MBOAT1: variants seen among roughly 807,000 people sequenced by gnomAD.
MBOAT1 encodes the protein membrane-bound glycerophospholipid O-acyltransferase 1.
A neutral mutation model predicts 64.4 loss-of-function variants in MBOAT1; 67 were observed. That is an observed-to-expected ratio of 1.04 (90% CI 0.85 to 1.27). MBOAT1 has a LOEUF of 1.27. Among genes scored for constraint, MBOAT1 ranks in the 50% most tolerant of loss-of-function variants. The pLI is 0.00. For missense variants in MBOAT1, 563 were observed against 604.6 expected, an observed-to-expected ratio of 0.93 and a Z score of 0.72; for synonymous variants, 229 against 218.9, an observed-to-expected ratio of 1.05 and a Z score of -0.41.
chr6:20,169,771 C>A (rs981350587), intron 1 of MBOAT1, among the ~76,000 whole-genome samples: 13 of 152,168 alleles, frequency 8.5e-5, no homozygotes, highest in Admixed American at 8.5e-4. Flanking sequence ...CCTATCCTCC[C>A]ATCTCTTGAT....
chr6:20,134,476 G>A lies in MBOAT1; in HGVS notation c.420-3277C>T, dbSNP rs145022692. ...GCTTCCATTTTAAATATCTAAAGAA[G>A]TTAATTTAAATATTTAAATTTAACA... is the stretch of plus-strand genomic sequence containing the variant. On this transcript the variant is annotated intron_variant, in intron 4 of 12. Coordinates refer to ENST00000324607, the MANE Select transcript of MBOAT1 (RefSeq NM_001080480.3). Among the ~76,000 whole-genome samples, 504 of 151,796 alleles carry A rather than the reference G, an allele frequency of 3.3e-3. 1 individual carries two copies. Among genetic ancestry groups the A allele is most frequent in the African/African-American group, 0.012 (477 of 41,410 alleles).
chr6:20,148,301 C>T (rs766721959), intron 3 of MBOAT1, among the ~76,000 whole-genome samples: 4 of 152,138 alleles, frequency 2.6e-5, no homozygotes, highest in Non-Finnish European at 4.4e-5. Flanking sequence ...CCTGTAATCT[C>T]AGCTACTTGG....
chr6:20,170,552 C>A (rs912585109), intron 1 of MBOAT1, among the ~76,000 whole-genome samples: 1 of 151,978 alleles, frequency 6.6e-6, no homozygotes, highest in Non-Finnish European at 1.5e-5. Flanking sequence ...TAAATCTATC[C>A]ATTTCCCTCC....
chr6:20,187,562 A>T (rs1220313056), intron 1 of MBOAT1, among the ~76,000 whole-genome samples: 2 of 152,238 alleles, frequency 1.3e-5, no homozygotes, highest in East Asian at 3.8e-4. Flanking sequence ...AATCATCTAC[A>T]AAACCAGAAA....
intron 11 of MBOAT1, among the ~76,000 whole-genome samples, chr6:20,111,839 T>TATATATAC (rs1760161514): frequency 7.5e-6 from 1 of 133,042 alleles, no homozygotes; most frequent in Non-Finnish European, 1.5e-5. Context: ...TATATACACA[T>TATATATAC]ATATATACAT....
At chr6:20,129,171 C>T (rs189523804) in intron 5 of MBOAT1, among the ~76,000 whole-genome samples, 71 of 152,248 alleles carry the variant, frequency 4.7e-4, no homozygotes, top group African/African-American at 1.7e-3. Flanking sequence ...CAGACACTTA[C>T]TACAAGCTGA....
intron 12 of MBOAT1, among the ~76,000 whole-genome samples, chr6:20,103,715 C>T (rs894733215): frequency 1.3e-5 from 2 of 152,220 alleles, no homozygotes; most frequent in African/African-American, 4.8e-5. Context: ...GCATGAGCCA[C>T]CATGCCCGGC....
At chr6:20,106,142 C>T (rs979952976) in intron 12 of MBOAT1, among the ~76,000 whole-genome samples, 5 of 152,212 alleles carry the variant, frequency 3.3e-5, no homozygotes, top group African/African-American at 4.8e-5. Flanking sequence ...AGATCTGGAA[C>T]GCAACCAGGC....
chr6:20,210,867 C>T (rs1443714441), intron 1 of MBOAT1, among the ~76,000 whole-genome samples: 1 of 152,034 alleles, frequency 6.6e-6, no homozygotes, highest in African/African-American at 2.4e-5. Context: ...AACAAACTCC[C>T]CTTAAGGAAA....
At chr6:20,168,507 G>GACAGAGACAGAGA (rs1398882520) in intron 1 of MBOAT1, among the ~76,000 whole-genome samples, 11 of 132,650 alleles carry the variant, frequency 8.3e-5, no homozygotes, top group African/African-American at 3.3e-4. Flanking sequence ...GAGAGAGAGA[G>GACAGAGACAGAGA]GAGAGGAGAG....
At chr6:20,139,600 G>GC (rs1761109979) in intron 4 of MBOAT1, among the ~76,000 whole-genome samples, 1 of 138,150 alleles carries the variant, frequency 7.2e-6, no homozygotes, top group Non-Finnish European at 1.5e-5. Context: ...TGTTGCCCAG[G>GC]TGGAGTACAG....
intron 1 of MBOAT1, among the ~76,000 whole-genome samples, chr6:20,189,891 C>T (rs535880513): frequency 4.6e-5 from 7 of 152,180 alleles, no homozygotes; most frequent in African/African-American, 1.7e-4. Flanking sequence ...AAGTAGTATT[C>T]CACTATTTAT....
In MBOAT1 at chr6:20,152,367, T is replaced by TA. The variant is rs1561765772; in HGVS notation, c.245+256dup. On this transcript the variant is annotated intron_variant, in intron 2 of 12. Transcript: ENST00000324607. ...AAAATAAATAAATAAATAAATAAAT[T>TA]AATTAATTAATTAATTAATTAAAAA... Among the ~76,000 whole-genome samples, 44 of 90,344 alleles carry TA rather than the reference T, an allele frequency of 4.9e-4. 1 individual carries two copies. Among genetic ancestry groups the TA allele is most frequent in the African/African-American group, 1.1e-3 (35 of 30,710 alleles). The allele number at this position is 90,344 out of a possible 152,430, so 59.3% of individuals were successfully genotyped here.
intron 1 of MBOAT1, among the ~76,000 whole-genome samples, chr6:20,158,638 C>A (rs1761764081): frequency 6.6e-6 from 1 of 152,174 alleles, no homozygotes; most frequent in Non-Finnish European, 1.5e-5. Flanking sequence ...AGTAAAGAGA[C>A]AACCCACAGA....
chr6:20,146,059 G>A (rs1325924951), intron 3 of MBOAT1, among the ~76,000 whole-genome samples: 1 of 152,192 alleles, frequency 6.6e-6, no homozygotes, highest in African/African-American at 2.4e-5. Context: ...CTGACACATG[G>A]GAGGGGTTCA....
chr6:20,166,485 T>A (rs936971315), intron 1 of MBOAT1, among the ~76,000 whole-genome samples: 1 of 152,128 alleles, frequency 6.6e-6, no homozygotes, highest in Non-Finnish European at 1.5e-5. Context: ...CTCAGGCCTT[T>A]GGGGACTTCT....
intron 4 of MBOAT1, among the ~76,000 whole-genome samples, chr6:20,139,166 C>T (rs1311834083): frequency 1.3e-5 from 2 of 152,182 alleles, no homozygotes; most frequent in Non-Finnish European, 2.9e-5. Flanking sequence ...CACCCTGTCG[C>T]CCAGGCTGGA....
intron 6 of MBOAT1, among the ~76,000 whole-genome samples, chr6:20,127,984 GT>G (rs1760712451): frequency 6.6e-6 from 1 of 152,034 alleles, no homozygotes; most frequent in South Asian, 2.1e-4. Flanking sequence ...CTGCTTCCAA[GT>G]CCCAATTCCT....
intron 1 of MBOAT1, among the ~76,000 whole-genome samples, chr6:20,157,710 G>A (rs1454215249): frequency 6.6e-6 from 1 of 151,820 alleles, no homozygotes; most frequent in South Asian, 2.1e-4. Flanking sequence ...TTAGGGAGGA[G>A]CTGGGCATAA....
Sources: allele counts gnomAD v4.1 joint callset (sites outside exome capture counted in the v4.1 genomes callset), GRCh38; gene constraint gnomAD v4.1.1; transcripts MANE v1.5; gene names NCBI Gene and HGNC (gene_info 2026-07-23, HGNC 2026-07-21).